TTC39B: variants seen among roughly 807,000 people sequenced by gnomAD.
The protein encoded by TTC39B is tetratricopeptide repeat protein 39B.
TTC39B carries 92 observed loss-of-function variants against 96.6 expected under a neutral mutation model. The observed-to-expected ratio is 0.95, with a 90% CI of 0.80 to 1.13. The LOEUF (loss-of-function observed/expected upper bound fraction) is 1.13. Among genes scored for constraint, TTC39B ranks in the 50% most tolerant of loss-of-function variants. The pLI, the probability that TTC39B is intolerant of heterozygous loss-of-function variation, is 0.00. For missense variants in TTC39B, 955 were observed against 809.3 expected (o/e 1.18, Z -2.18); for synonymous variants, 367 against 299.4 (o/e 1.23, Z -2.33).
intron 1 of TTC39B, among the ~76,000 whole-genome samples, chr9:15,291,474 CCT>C (rs1162928769): frequency 2.6e-5 from 4 of 152,194 alleles, no homozygotes; most frequent in African/African-American, 9.7e-5. Context: ...GTCCATTAAA[CCT>C]CTTTCTTTCA....
intron 9 of TTC39B, among the ~76,000 whole-genome samples, chr9:15,192,252 C>T (rs1818900997): frequency 6.6e-6 from 1 of 152,204 alleles, no homozygotes; most frequent in African/African-American, 2.4e-5. Context: ...ATACTGGTCC[C>T]TCACACATTT....
At chr9:15,196,113 G>T (rs552968391) in intron 8 of TTC39B, among the ~76,000 whole-genome samples, 1 of 152,092 alleles carries the variant, frequency 6.6e-6, no homozygotes, top group South Asian at 2.1e-4. Context: ...CACTGCTCAG[G>T]GAAAAAAACA....
At chr9:15,183,607 C>T (rs1818363066) in intron 16 of TTC39B, among the ~76,000 whole-genome samples, 1 of 152,130 alleles carries the variant, frequency 6.6e-6, no homozygotes, top group Non-Finnish European at 1.5e-5. Flanking sequence ...CTTACGTATA[C>T]ACTGGTATCT....
chr9:15,203,171 C>T lies in TTC39B; in HGVS notation c.759+652G>A, dbSNP rs181088141. On this transcript the variant is annotated intron_variant, in intron 7 of 19. Coordinates refer to ENST00000512701, the Ensembl canonical transcript of TTC39B. ...ATGTGCGGACTCTACCAGTAGAAAG[C>T]GCAAAGGAGAATACTCTCCCGGTTT... Among the ~76,000 whole-genome samples the T allele has an allele frequency of 2.6e-4, 39 of 152,316 alleles. No homozygotes were observed. In the East Asian group the frequency reaches 5.6e-3, roughly 22 times the overall value.
chr9:15,168,246 G>C (rs1213517887), exon 20 of TTC39B: 2 of 152,170 alleles, frequency 1.3e-5, no homozygotes, highest in Non-Finnish European at 2.9e-5. Context: ...GCAAGACTGA[G>C]GGGAAACAAC....
At chr9:15,185,351 A>C in exon 16 of TTC39B, 1 of 1,613,896 alleles carries the variant, frequency 6.2e-7, no homozygotes, top group Non-Finnish European at 8.5e-7. Flanking sequence ...CTCACAGCAA[A>C]CTTCTCAGTA....
chr9:15,204,470 A>G (rs1819730919), intron 6 of TTC39B, among the ~76,000 whole-genome samples: 1 of 151,562 alleles, frequency 6.6e-6, no homozygotes, highest in African/African-American at 2.4e-5. Flanking sequence ...TGGAGGTTGC[A>G]GTGAGCCGAG....
At chr9:15,185,499 CCAGCA>C in intron 15 of TTC39B, 93 bp from the exon 16 acceptor site, 1 of 1,555,184 alleles carries the variant, frequency 6.4e-7, no homozygotes, top group Non-Finnish European at 8.7e-7. Context: ...TCACAGACCA[CCAGCA>C]GCAGCAGCAG....
exon 20 of TTC39B, chr9:15,169,375 A>C (rs1051506695): frequency 6.6e-6 from 1 of 152,058 alleles, no homozygotes; most frequent in African/African-American, 2.4e-5. Context: ...CTTCCTTGTC[A>C]CCATTCCTAC....
chr9:15,299,717 G>A (rs583204), intron 1 of TTC39B, among the ~76,000 whole-genome samples: 1 of 152,064 alleles, frequency 6.6e-6, no homozygotes, highest in Non-Finnish European at 1.5e-5. Flanking sequence ...ACTGGAGATT[G>A]GTCGGCTGTC....
At chr9:15,176,610 C>G (rs183654935) in intron 18 of TTC39B, among the ~76,000 whole-genome samples, 1 of 152,180 alleles carries the variant, frequency 6.6e-6, no homozygotes, top group East Asian at 1.9e-4. Flanking sequence ...AAATTTGAGC[C>G]AATATTTTAA....
intron 2 of TTC39B, among the ~76,000 whole-genome samples, chr9:15,247,412 CT>C (rs1356017709): frequency 1.3e-5 from 2 of 152,130 alleles, no homozygotes; most frequent in African/African-American, 4.8e-5. Flanking sequence ...TATAATATCT[CT>C]CCTGAAAAGT....
chr9:15,249,758 A>T, intron 2 of TTC39B: 2 of 447,774 alleles, frequency 4.5e-6, no homozygotes, highest in Non-Finnish European at 6.5e-6. Flanking sequence ...TGAAGCTCTT[A>T]ATGAAGACAA....
chr9:15,217,065 G>T (rs1305517760), intron 3 of TTC39B, among the ~76,000 whole-genome samples: 2 of 152,158 alleles, frequency 1.3e-5, no homozygotes, highest in Non-Finnish European at 2.9e-5. Flanking sequence ...AGGGCAGAGG[G>T]GGGATTCTAA....
chr9:15,204,007 T>C (rs911261348), intron 6 of TTC39B, 117 bp from the exon 7 acceptor site: 19 of 830,522 alleles, frequency 2.3e-5, no homozygotes, highest in Middle Eastern at 3.6e-4. Flanking sequence ...AAAACTTAGA[T>C]TGCCCTTGTG....
At chr9:15,179,821 G>C (rs909042294) in intron 17 of TTC39B, among the ~76,000 whole-genome samples, 6 of 152,156 alleles carry the variant, frequency 3.9e-5, no homozygotes, top group Non-Finnish European at 8.8e-5. Context: ...TAAAATACTA[G>C]TAAAGCCGCA....
chr9:15,297,026 A>G (rs1256638942), intron 1 of TTC39B, among the ~76,000 whole-genome samples: 1 of 152,062 alleles, frequency 6.6e-6, no homozygotes, highest in Admixed American at 6.6e-5. Flanking sequence ...GAAAAGCCAA[A>G]CTCGGTAGCT....
intron 6 of TTC39B, among the ~76,000 whole-genome samples, chr9:15,204,093 G>C (rs959912366): frequency 6.6e-6 from 1 of 152,148 alleles, no homozygotes; most frequent in African/African-American, 2.4e-5. Context: ...GAAGTGTTCA[G>C]GGAAGTCATC....
intron 2 of TTC39B, among the ~76,000 whole-genome samples, chr9:15,260,184 T>C (rs1444820651): frequency 6.6e-6 from 1 of 152,066 alleles, no homozygotes; most frequent in Non-Finnish European, 1.5e-5. Flanking sequence ...ATACCAAGAT[T>C]GAAATATACA....
Sources: allele counts gnomAD v4.1 joint callset (sites outside exome capture counted in the v4.1 genomes callset), GRCh38; gene constraint gnomAD v4.1.1; transcripts MANE v1.5; gene names NCBI Gene and HGNC (gene_info 2026-07-23, HGNC 2026-07-21).